The following GRIK2 variants were observed in gnomAD, a reference collection of about 807,000 sequenced individuals.
GRIK2 encodes glutamate receptor ionotropic, kainate 2.
Under a neutral mutation model 100.3 loss-of-function variants are expected in GRIK2, and 32 were observed. The ratio of observed to expected loss-of-function variants is 0.32; its 90% CI spans 0.24 to 0.43. The LOEUF is 0.43. GRIK2 is among the 20% of genes least tolerant of loss of function. GRIK2 has a pLI of 1.00. For missense variants in GRIK2, 843 were observed against 1,114.9 expected (o/e 0.76, Z 3.47); for synonymous variants, 417 against 389.4 (o/e 1.07, Z -0.83).
chr6:101,959,926 T>G (rs2128481954), intron 14 of GRIK2, among the ~76,000 whole-genome samples: 1 of 152,232 alleles, frequency 6.6e-6, no homozygotes, highest in African/African-American at 2.4e-5. Context: ...CAGGGACATT[T>G]TCCTGGATTG....
chr6:102,047,706 A>T (rs1770968254), intron 15 of GRIK2, among the ~76,000 whole-genome samples: 2 of 151,822 alleles, frequency 1.3e-5, no homozygotes, highest in Non-Finnish European at 2.9e-5. Flanking sequence ...CCAAGATCAC[A>T]CCAATGCACC....
At chr6:101,633,761 A>C (rs1780878956) in intron 4 of GRIK2, among the ~76,000 whole-genome samples, 1 of 152,202 alleles carries the variant, frequency 6.6e-6, no homozygotes, top group African/African-American at 2.4e-5. Flanking sequence ...ATACACACAA[A>C]GAGCATATCA....
At chr6:101,738,278 T>TC (rs746550920) in intron 7 of GRIK2, among the ~76,000 whole-genome samples, 2 of 120,660 alleles carry the variant, frequency 1.7e-5, no homozygotes, top group South Asian at 2.6e-4. Context: ...ATTGTAATTG[T>TC]AATTGTCAAT....
chr6:101,465,107 C>T (rs1771573230), intron 2 of GRIK2, among the ~76,000 whole-genome samples: 1 of 152,076 alleles, frequency 6.6e-6, no homozygotes, highest in Non-Finnish European at 1.5e-5. Context: ...TGCCTGCTGA[C>T]TCTTAATTTT....
rs145091253 is a variant in GRIK2 at position 101,792,321 on chromosome 6, G to A, written c.952-7327G>A. Reference sequence around the variant, plus strand: ...CTAGTCTCGATGGTCTTTACGTTTTGGCATGATTTTGCAGTGGCTGGTCCT... The same window carrying A: ...CTAGTCTCGATGGTCTTTACGTTTTAGCATGATTTTGCAGTGGCTGGTCCT... On this transcript the variant is annotated intron_variant, in intron 7 of 16. Transcript: ENST00000369134. 4.6e-3 allele frequency among the ~76,000 whole-genome samples: 702 copies of A among 151,978 alleles called. 19 individuals are homozygous for A. The East Asian group carries it at 0.053, about 12-fold the overall frequency.
chr6:101,954,132 A>G (rs1446685732), intron 14 of GRIK2, among the ~76,000 whole-genome samples: 1 of 152,108 alleles, frequency 6.6e-6, no homozygotes, highest in Non-Finnish European at 1.5e-5. Context: ...ATATCTACAT[A>G]CCACATGGTC....
chr6:101,628,402 G>T (rs947241989), intron 4 of GRIK2, among the ~76,000 whole-genome samples: 2 of 151,696 alleles, frequency 1.3e-5, no homozygotes, highest in African/African-American at 2.4e-5. Flanking sequence ...TAAAAATTAG[G>T]AATACATTAT....
In GRIK2 at chr6:101,928,485, C is replaced by T. The variant is rs1160219540; in HGVS notation, c.1938C>T (p.Ile646=). The part of the protein sequence containing the change: ...VGGIWWFFTL[I]IISSYTANLA... ...GCATTTGGTGGTTTTTCACACTTAT[C>T]ATCATTTCTTCGTATACTGCTAACT... Residue 646 remains isoleucine, a synonymous_variant, in exon 14 of 17, where the codon ATC becomes ATT. Transcript: ENST00000369134. 1 of 1,608,658 alleles carries T rather than the reference C, an allele frequency of 6.2e-7. No individual in the cohort carries two copies. Among genetic ancestry groups the T allele is most frequent in the Admixed American group, 1.7e-5 (1 of 60,002 alleles).
intron 14 of GRIK2, among the ~76,000 whole-genome samples, chr6:101,985,534 G>A (rs1262700563): frequency 6.6e-6 from 1 of 151,672 alleles, no homozygotes; most frequent in African/African-American, 2.4e-5. Flanking sequence ...ACCATATTTG[G>A]TATGCATTGT....
chr6:101,687,926 A>G (rs1284315449), intron 7 of GRIK2, among the ~76,000 whole-genome samples: 1 of 151,088 alleles, frequency 6.6e-6, no homozygotes, highest in East Asian at 1.9e-4. Context: ...AGAAAAAATT[A>G]TAAATGTTAT....
At chr6:102,053,326 G>A (rs1771300055) in intron 15 of GRIK2, among the ~76,000 whole-genome samples, 1 of 151,976 alleles carries the variant, frequency 6.6e-6, no homozygotes, top group Non-Finnish European at 1.5e-5. Context: ...GAATAAAATT[G>A]ATCTTTCAAC....
chr6:101,455,564 T>C (rs1285476766), intron 2 of GRIK2, among the ~76,000 whole-genome samples: 1 of 151,998 alleles, frequency 6.6e-6, no homozygotes, highest in Admixed American at 6.6e-5. Flanking sequence ...TAGACCTAGG[T>C]TAGAAATATA....
At chr6:101,417,626 A>G (rs1279891501) in intron 2 of GRIK2, among the ~76,000 whole-genome samples, 2 of 152,194 alleles carry the variant, frequency 1.3e-5, no homozygotes, top group Non-Finnish European at 2.9e-5. Context: ...ACCTCCCCCT[A>G]AAAGGATGTG....
At position 101,818,359 on chromosome 6, in the gene GRIK2, C is replaced by G; in HGVS notation, c.1204-11C>G. The G allele has an allele frequency of 6.8e-7, 1 of 1,467,638 alleles. No homozygotes were observed. Among genetic ancestry groups the G allele is most frequent in the Non-Finnish European group, 9.5e-7 (1 of 1,047,532 alleles). 90.9% of individuals were successfully genotyped at this position (1,467,638 alleles called of 1,614,324 possible). ...ATGGACAATTTACAAAGTACATATG[C>G]TATTTTATAGATTGGAACGTGGGAT... On this transcript the variant is annotated splice_polypyrimidine_tract_variant and intron_variant, in intron 9 of 16. Transcript: ENST00000369134.
At chr6:101,721,124 G>A (rs902121376) in intron 7 of GRIK2, among the ~76,000 whole-genome samples, 4 of 151,858 alleles carry the variant, frequency 2.6e-5, no homozygotes, top group African/African-American at 9.7e-5. Flanking sequence ...CTTTAATCAG[G>A]CAGCTTCTTC....
chr6:101,945,342 T>A (rs1791208781), intron 14 of GRIK2, among the ~76,000 whole-genome samples: 1 of 152,160 alleles, frequency 6.6e-6, no homozygotes, highest in Non-Finnish European at 1.5e-5. Flanking sequence ...TGTCTCATAG[T>A]CACTTAAAAT....
chr6:101,683,544 C>T (rs1027325626), intron 6 of GRIK2, among the ~76,000 whole-genome samples: 1 of 152,162 alleles, frequency 6.6e-6, no homozygotes, highest in African/African-American at 2.4e-5. Context: ...TGTAAAACAG[C>T]TGTCTCTTTA....
At chr6:101,505,077 T>G (rs1414421016) in intron 2 of GRIK2, among the ~76,000 whole-genome samples, 1 of 152,048 alleles carries the variant, frequency 6.6e-6, no homozygotes, top group Non-Finnish European at 1.5e-5. Context: ...TTTTTGTCGT[T>G]TTTTTACTTG....
At chr6:101,469,377 A>C (rs116024340) in intron 2 of GRIK2, among the ~76,000 whole-genome samples, 353 of 152,314 alleles carry the variant, frequency 2.3e-3, no homozygotes, top group African/African-American at 8.0e-3. Context: ...GAAATTATTT[A>C]AAATAGACAA....
Sources: allele counts gnomAD v4.1 joint callset (sites outside exome capture counted in the v4.1 genomes callset), GRCh38; gene constraint gnomAD v4.1.1; transcripts MANE v1.5; gene names NCBI Gene and HGNC (gene_info 2026-07-23, HGNC 2026-07-21).